Variants in SVIL observed in about 807,000 individuals in gnomAD.
The protein encoded by SVIL is supervillin, also known as archvillin.
In SVIL, 101 loss-of-function variants were observed where a neutral mutation model predicts 240.4. That is an observed-to-expected ratio of 0.42 (90% CI 0.36 to 0.50). The LOEUF is 0.50. Ranked by LOEUF, SVIL falls within the 20% of genes least tolerant of loss-of-function variation. The pLI, the probability that SVIL is intolerant of heterozygous loss-of-function variation, is 0.01. For missense variants in SVIL, 2,512 were observed against 2,818.7 expected, an observed-to-expected ratio of 0.89 and a Z score of 2.46; for synonymous variants, 999 against 1,100.0, an observed-to-expected ratio of 0.91 and a Z score of 1.82.
chr10:29,571,675 C>T (rs183309994), intron 1 of SVIL, among the ~76,000 whole-genome samples: 73 of 152,282 alleles, frequency 4.8e-4, no homozygotes, highest in Non-Finnish European at 8.5e-4. Flanking sequence ...AGATTGCCCC[C>T]GCTTAATTTT....
Position 29,526,833 on chromosome 10 carries a change from G to A in SVIL, c.2342+128C>T, listed in dbSNP as rs1224337964. The A allele has an allele frequency of 3.2e-5, 24 of 754,532 alleles. No individual in the cohort carries two copies. The East Asian group carries it at 4.0e-4, about 13-fold the overall frequency. 46.7% of individuals were successfully genotyped at this position (754,532 alleles called of 1,614,324 possible). ...GTGCTATGACAAAACAAAATGCCAC[G>A]CATTCTGGAACAACTCACGGCATTG... On this transcript the variant is annotated intron_variant, in intron 13 of 37. Transcript: ENST00000355867.
chr10:29,649,150 G>C (rs542298559), intron 3 of SVIL, among the ~76,000 whole-genome samples: 1 of 152,084 alleles, frequency 6.6e-6, no homozygotes, highest in East Asian at 1.9e-4. Flanking sequence ...ACAGAGCGAG[G>C]CCCTGTCTAA....
intron 8 of SVIL, 79 bp from the exon 9 acceptor site, chr10:29,532,251 C>A: frequency 6.6e-7 from 1 of 1,507,242 alleles, no homozygotes; most frequent in South Asian, 1.3e-5. Flanking sequence ...GATTATGCAT[C>A]TCCGTGAGTC....
At chr10:29,662,332 C>A (rs1026890865) in intron 2 of SVIL, among the ~76,000 whole-genome samples, 1 of 152,182 alleles carries the variant, frequency 6.6e-6, no homozygotes, top group Admixed American at 6.5e-5. Flanking sequence ...TGCCAAACAC[C>A]TGATGCTGAT....
At chr10:29,518,408 A>T (rs1489805834) in intron 16 of SVIL, among the ~76,000 whole-genome samples, 1 of 152,114 alleles carries the variant, frequency 6.6e-6, no homozygotes, top group Non-Finnish European at 1.5e-5. Flanking sequence ...ACAAATAAAT[A>T]AATAAATATA....
intron 1 of SVIL, among the ~76,000 whole-genome samples, chr10:29,622,000 CA>C (rs1221159887): frequency 1.3e-5 from 2 of 151,888 alleles, no homozygotes; most frequent in African/African-American, 4.8e-5. Flanking sequence ...CCTGTAATCC[CA>C]GCACTTTGGG....
chr10:29,522,301 A>G (rs1589099999), intron 16 of SVIL, 109 bp downstream of exon 16: 1 of 1,063,522 alleles, frequency 9.4e-7, no homozygotes, highest in African/African-American at 1.6e-5. Flanking sequence ...TCCTGTTAGA[A>G]GCTGAATGTA....
intron 17 of SVIL, among the ~76,000 whole-genome samples, chr10:29,501,091 T>C (rs939593298): frequency 3.9e-5 from 6 of 152,002 alleles, no homozygotes; most frequent in Non-Finnish European, 7.4e-5. Flanking sequence ...AAAGCCTTCA[T>C]AGCCAGAAGT....
intron 16 of SVIL, among the ~76,000 whole-genome samples, chr10:29,514,028 G>A (rs35889327): frequency 0.44 from 66,042 of 150,858 alleles, 15,107 homozygotes; most frequent in African/African-American, 0.55. Context: ...CATTTGAGCC[G>A]ATGCTCAAAC....
At chr10:29,508,437 G>C (rs1454028988) in intron 17 of SVIL, 4 of 1,282,928 alleles carry the variant, frequency 3.1e-6, no homozygotes, top group Non-Finnish European at 4.1e-6. Flanking sequence ...TGGAAGAGAA[G>C]AGCCTGGTCA....
rs1172216512 is a variant in SVIL, at chr10:29,529,192, A to G, written c.2246+513T>C. Among the ~76,000 whole-genome samples the G allele has an allele frequency of 1.4e-4, 21 of 150,358 alleles. 1 individual carries two copies. The South Asian group carries it at 3.4e-3, about 24-fold the overall frequency. On this transcript the variant is annotated intron_variant, in intron 12 of 37. Transcript: ENST00000355867. The stretch of plus-strand genomic sequence containing the variant: ...CTCTCTCTCAAAAAAAAAAAAAAAA[A>G]AAAAAAAAAAAGAAAAAAAGAAAAG...
intron 3 of SVIL, among the ~76,000 whole-genome samples, chr10:29,648,865 T>G (rs1351866779): frequency 6.6e-6 from 1 of 151,164 alleles, no homozygotes; most frequent in Non-Finnish European, 1.5e-5. Flanking sequence ...GGGCTGGGCA[T>G]AGAGGCTCAT....
At chr10:29,524,986 C>T (rs1396659290) in intron 13 of SVIL, among the ~76,000 whole-genome samples, 1 of 152,118 alleles carries the variant, frequency 6.6e-6, no homozygotes, top group Non-Finnish European at 1.5e-5. Flanking sequence ...TTGAAGTCAG[C>T]TTGGCTATAC....
chr10:29,581,834 T>G (rs1176527328), intron 1 of SVIL, among the ~76,000 whole-genome samples: 1 of 152,214 alleles, frequency 6.6e-6, no homozygotes, highest in Non-Finnish European at 1.5e-5. Flanking sequence ...GTCAGTTCTG[T>G]GTTTAAATTA....
intron 22 of SVIL, among the ~76,000 whole-genome samples, chr10:29,489,158 G>A (rs536412744): frequency 1.9e-4 from 29 of 152,330 alleles, no homozygotes; most frequent in African/African-American, 6.5e-4. Context: ...TTCACCAAAA[G>A]CCTTTATACA....
intron 1 of SVIL, among the ~76,000 whole-genome samples, chr10:29,597,965 C>G (rs1317370958): frequency 6.6e-6 from 1 of 152,036 alleles, no homozygotes; most frequent in Non-Finnish European, 1.5e-5. Context: ...TTTCTAGTAG[C>G]ATTATTCACT....
chr10:29,681,406 GGTGTGTGTGTGTGTGTGT>G (rs55839039), intron 2 of SVIL, among the ~76,000 whole-genome samples: 1 of 134,888 alleles, frequency 7.4e-6, no homozygotes, highest in African/African-American at 2.8e-5. Context: ...AAGATGGAAT[GGTGTGTGTGTGTGTGTGT>G]GTGTGTGTGT....
At chr10:29,460,001 A>G (rs1310125748) in intron 36 of SVIL, among the ~76,000 whole-genome samples, 3 of 152,098 alleles carry the variant, frequency 2.0e-5, no homozygotes, top group African/African-American at 7.2e-5. Context: ...CTGAGGTGGT[A>G]GGGTCGTTTG....
chr10:29,520,391 C>T (rs1950483851), intron 16 of SVIL, among the ~76,000 whole-genome samples: 1 of 152,152 alleles, frequency 6.6e-6, no homozygotes, highest in South Asian at 2.1e-4. Flanking sequence ...AACTTCAAGC[C>T]TCAATAGGCC....
Sources: allele counts gnomAD v4.1 joint callset (sites outside exome capture counted in the v4.1 genomes callset), GRCh38; gene constraint gnomAD v4.1.1; transcripts MANE v1.5; gene names NCBI Gene and HGNC (gene_info 2026-07-23, HGNC 2026-07-21).